The following COLEC10 variants were observed in gnomAD, a reference collection of about 807,000 sequenced individuals.
The protein encoded by COLEC10 is collectin-10.
A neutral mutation model predicts 28.4 loss-of-function variants in COLEC10; 22 were observed. That is an observed-to-expected ratio of 0.78 (90% confidence interval 0.55 to 1.11). The LOEUF is 1.11. Among genes scored for constraint, COLEC10 ranks in the 50% least tolerant of loss-of-function variants. The probability of loss-of-function intolerance (pLI) is 0.00; values close to 1 mark genes in which losing one functional copy is unlikely to be tolerated. For synonymous variants in COLEC10, 125 were observed against 116.1 expected, an observed-to-expected ratio of 1.08 and a Z score of -0.49; for missense variants, 361 against 344.1, an observed-to-expected ratio of 1.05 and a Z score of -0.39.
At chr8:119,044,368 A>C (rs1416114424) in intron 2 of COLEC10, among the ~76,000 whole-genome samples, 1 of 152,198 alleles carries the variant, frequency 6.6e-6, no homozygotes, top group Admixed American at 6.5e-5. Flanking sequence ...TGTACTTGAA[A>C]ATGAGTAAGA....
chr8:118,978,780 C>T, the COLEC10 span, among the ~76,000 whole-genome samples: 6 of 151,912 alleles, frequency 3.9e-5, no homozygotes, highest in Admixed American at 2.6e-4. Context: ...CCAATTTACC[C>T]TCCCACCAAC....
chr8:118,990,814 T>A (rs1244085185), upstream of COLEC10, among the ~76,000 whole-genome samples: 5 of 151,992 alleles, frequency 3.3e-5, no homozygotes, highest in African/African-American at 1.2e-4. Flanking sequence ...TGTGGACCTT[T>A]GTTGGGCAAA....
chr8:119,035,506 A>C (rs1814374262), intron 2 of COLEC10, among the ~76,000 whole-genome samples: 3 of 152,214 alleles, frequency 2.0e-5, no homozygotes, highest in Admixed American at 1.3e-4. Flanking sequence ...ATTCTGGGAA[A>C]AAGAAATAGT....
chr8:119,019,252 C>G (rs1814049695), intron 2 of COLEC10, among the ~76,000 whole-genome samples: 1 of 152,130 alleles, frequency 6.6e-6, no homozygotes, highest in South Asian at 2.1e-4. Flanking sequence ...AAACCTGTGG[C>G]TTGCAAATTC....
chr8:119,053,879 T>C (rs373468945), intron 2 of COLEC10, among the ~76,000 whole-genome samples: 24 of 152,250 alleles, frequency 1.6e-4, no homozygotes, highest in African/African-American at 5.5e-4. Context: ...TTGAACCCTA[T>C]ATATACTATG....
chr8:119,105,683 T>G (rs1815922749), intron 5 of COLEC10, 117 bp from the exon 6 acceptor site: 1 of 1,011,312 alleles, frequency 9.9e-7, no homozygotes, highest in African/African-American at 1.6e-5. Flanking sequence ...TAATAGGGCT[T>G]TGAAAAATAA....
intron 2 of COLEC10, among the ~76,000 whole-genome samples, chr8:119,050,586 T>G (rs995789944): frequency 2.0e-5 from 3 of 152,218 alleles, no homozygotes; most frequent in Admixed American, 6.5e-5. Flanking sequence ...TTATTCTACT[T>G]TAGTAAAGCT....
the COLEC10 span, among the ~76,000 whole-genome samples, chr8:118,968,126 G>C: frequency 6.6e-6 from 1 of 151,344 alleles, no homozygotes; most frequent in Non-Finnish European, 1.5e-5. Flanking sequence ...TGTGTTTAGA[G>C]GTTTTTTTTA....
At chr8:119,038,581 A>T (rs1162980901) in intron 2 of COLEC10, among the ~76,000 whole-genome samples, 1 of 152,234 alleles carries the variant, frequency 6.6e-6, no homozygotes, top group Non-Finnish European at 1.5e-5. Context: ...GTTGATATGC[A>T]TTTACTCTGC....
chr8:119,100,140 T>G (rs1815795540), intron 3 of COLEC10, among the ~76,000 whole-genome samples: 1 of 152,182 alleles, frequency 6.6e-6, no homozygotes, highest in Non-Finnish European at 1.5e-5. Context: ...TTTGATAACA[T>G]TTTTCAAACA....
At chr8:119,060,238 A>G (rs1814830895) in intron 2 of COLEC10, among the ~76,000 whole-genome samples, 1 of 152,140 alleles carries the variant, frequency 6.6e-6, no homozygotes, top group Non-Finnish European at 1.5e-5. Flanking sequence ...GTGTTTTGGA[A>G]GCTAGCAAAA....
At chr8:119,075,811 C>A (rs886503587) in intron 1 of COLEC10, among the ~76,000 whole-genome samples, 1 of 151,810 alleles carries the variant, frequency 6.6e-6, no homozygotes, top group Non-Finnish European at 1.5e-5. Context: ...AGAGAGGACC[C>A]TAATCAACCC....
chr8:118,977,789 T>A, the COLEC10 span, among the ~76,000 whole-genome samples: 1,935 of 150,880 alleles, frequency 0.013, 21 homozygotes, highest in East Asian at 0.061. Flanking sequence ...CTAAAAAAAA[T>A]ATATATATAT....
rs563808510 is a variant in COLEC10, at chr8:119,013,015, C to T, written n.235+3462C>T. On this transcript the variant is annotated intron_variant and non_coding_transcript_variant, in intron 2 of 6. Transcript: ENST00000521788. ...TTAACTCTAGATTTATTTTGCTGCT[C>T]TTTTTTTTTTCTAGTTTTCTAAGGT... 5.5e-5 allele frequency among the ~76,000 whole-genome samples: 8 copies of T among 145,268 alleles called. No homozygotes were observed. The East Asian group carries it at 1.6e-3, about 29-fold the overall frequency.
Position 119,107,269 on chromosome 8 carries a change from C to G in COLEC10, c.*1078C>G, listed in dbSNP as rs578257285. ...GTCATAGAAATCCTACTGGAGATGT[C>G]CCTTCTAATACTCTGGCATCACAGA... is the stretch of plus-strand genomic sequence containing the variant. On this transcript the variant is annotated 3_prime_UTR_variant, in exon 6 of 6. Coordinates refer to ENST00000332843, the MANE Select transcript of COLEC10 (RefSeq NM_006438.5). Among the ~76,000 whole-genome samples the G allele has an allele frequency of 1.6e-4, 24 of 152,212 alleles. No individual in the cohort carries two copies. The highest frequency in any genetic ancestry group is 5.9e-4 in the Admixed American group (9 of 15,276).
At chr8:119,054,346 A>G (rs1386654166) in intron 2 of COLEC10, among the ~76,000 whole-genome samples, 1 of 152,120 alleles carries the variant, frequency 6.6e-6, no homozygotes, top group Non-Finnish European at 1.5e-5. Flanking sequence ...TATTTTAGGA[A>G]TGCAACTTGT....
intron 2 of COLEC10, among the ~76,000 whole-genome samples, chr8:119,018,546 G>A (rs1320593838): frequency 1.3e-5 from 2 of 152,196 alleles, no homozygotes; most frequent in African/African-American, 2.4e-5. Flanking sequence ...ACTGATGCCT[G>A]CTTTGACTTT....
chr8:118,992,602 A>C (rs1300947059), upstream of COLEC10, among the ~76,000 whole-genome samples: 1 of 152,186 alleles, frequency 6.6e-6, no homozygotes, highest in Non-Finnish European at 1.5e-5. Flanking sequence ...AGATTTTATC[A>C]TCATTTGGTG....
the COLEC10 span, among the ~76,000 whole-genome samples, chr8:118,968,111 T>C: frequency 3.9e-5 from 6 of 152,226 alleles, no homozygotes; most frequent in East Asian, 1.9e-4. Flanking sequence ...TAGCTATTTA[T>C]ATTTTGTGTT....
Sources: gnomAD v4.1 joint callset for allele counts (sites outside exome capture counted in the v4.1 genomes callset) on GRCh38, gnomAD v4.1.1 for gene constraint, MANE v1.5 for transcripts, NCBI Gene and HGNC (gene_info 2026-07-23, HGNC 2026-07-21) for gene names.